The following ROBO1 variants were observed in gnomAD, a reference collection of about 807,000 sequenced individuals.
ROBO1 encodes the protein roundabout homolog 1.
In ROBO1, 149 loss-of-function variants were observed where a neutral mutation model predicts 195.9. The ratio of observed to expected loss-of-function variants is 0.76; its 90% CI spans 0.67 to 0.87. The LOEUF is 0.87. ROBO1 is among the 40% of genes least tolerant of loss of function. The probability of loss-of-function intolerance (pLI) is 0.00; values close to 1 mark genes in which losing one functional copy is unlikely to be tolerated. For missense variants in ROBO1, 1,933 were observed against 2,068.3 expected, an observed-to-expected ratio of 0.93 and a Z score of 1.27; for synonymous variants, 816 against 733.2, an observed-to-expected ratio of 1.11 and a Z score of -1.82.
chr3:78,785,489 C>CT (rs1218405193), intron 4 of ROBO1, among the ~76,000 whole-genome samples: 1 of 152,076 alleles, frequency 6.6e-6, no homozygotes, highest in Non-Finnish European at 1.5e-5. Flanking sequence ...ATGGATTTTT[C>CT]TTTTTTACTG....
chr3:79,222,348 T>G (rs1379159303), intron 2 of ROBO1, among the ~76,000 whole-genome samples: 1 of 152,126 alleles, frequency 6.6e-6, no homozygotes, highest in Non-Finnish European at 1.5e-5. Flanking sequence ...TGAAGTTGCC[T>G]CTTATATTTC....
At chr3:78,839,761 TCA>T (rs2033046482) in intron 4 of ROBO1, among the ~76,000 whole-genome samples, 1 of 152,144 alleles carries the variant, frequency 6.6e-6, no homozygotes, top group Non-Finnish European at 1.5e-5. Flanking sequence ...CTGAACCACT[TCA>T]GTTTCTCTCC....
intron 2 of ROBO1, among the ~76,000 whole-genome samples, chr3:79,504,366 T>C (rs9309823): frequency 0.3 from 46,010 of 151,968 alleles, 7,242 homozygotes; most frequent in Non-Finnish European, 0.35. Flanking sequence ...TTCATATTTT[T>C]GTTAGAAACA....
chr3:79,573,481 A>C (rs61044605), intron 2 of ROBO1, among the ~76,000 whole-genome samples: 14,512 of 152,214 alleles, frequency 0.095, 719 homozygotes, highest in Middle Eastern at 0.16. Context: ...GTCTTCAATT[A>C]TATTTATTAT....
chr3:79,760,332 T>C (rs184693019), intron 1 of ROBO1, among the ~76,000 whole-genome samples: 184 of 141,414 alleles, frequency 1.3e-3, no homozygotes, highest in Middle Eastern at 8.1e-3. Context: ...ACCATAAAGA[T>C]TGGTTTCCCA....
At chr3:79,310,811 C>A (rs1018429465) in intron 2 of ROBO1, among the ~76,000 whole-genome samples, 12 of 152,028 alleles carry the variant, frequency 7.9e-5, no homozygotes, top group African/African-American at 2.9e-4. Flanking sequence ...TTCAATAAGG[C>A]TACATGAAAC....
chr3:79,719,452 A>G lies in ROBO1; in HGVS notation c.-51+48300T>C, dbSNP rs1702612902. Among the ~76,000 whole-genome samples the G allele has an allele frequency of 3.3e-5, 5 of 152,164 alleles. 1 individual carries two copies. The South Asian group carries it at 1.0e-3, about 31-fold the overall frequency. On this transcript the variant is annotated intron_variant, in intron 1 of 30. Coordinates refer to ENST00000464233, the MANE Select transcript of ROBO1 (RefSeq NM_002941.4). ...CAAGACAAAAGGGCATTTTTATTCA[A>G]CCTTTCAGAAGGAAAACTTTTGTGA... is the stretch of plus-strand genomic sequence containing the variant.
At chr3:79,430,131 A>G in intron 2 of ROBO1, among the ~76,000 whole-genome samples, 1 of 152,208 alleles carries the variant, frequency 6.6e-6, no homozygotes, top group South Asian at 2.1e-4. Context: ...CAAAATAAAT[A>G]AAAATTAAAG....
At chr3:79,059,512 C>T (rs1035820013) in intron 3 of ROBO1, among the ~76,000 whole-genome samples, 5 of 151,920 alleles carry the variant, frequency 3.3e-5, no homozygotes, top group South Asian at 4.1e-4. Flanking sequence ...GGAAAGAGAG[C>T]GATGTTGTGG....
chr3:79,587,470 A>G (rs1943864273), intron 2 of ROBO1, among the ~76,000 whole-genome samples: 2 of 151,802 alleles, frequency 1.3e-5, no homozygotes, highest in Non-Finnish European at 2.9e-5. Flanking sequence ...TACAGAATAT[A>G]AAATTCTCCT....
At chr3:79,712,635 G>T (rs2107237601) in intron 1 of ROBO1, among the ~76,000 whole-genome samples, 1 of 152,200 alleles carries the variant, frequency 6.6e-6, no homozygotes, top group East Asian at 1.9e-4. Context: ...ACTGATGCAG[G>T]TGCTACACTC....
At chr3:78,637,026 A>T (rs1705560606) in intron 22 of ROBO1, among the ~76,000 whole-genome samples, 1 of 138,862 alleles carries the variant, frequency 7.2e-6, no homozygotes, top group Admixed American at 7.3e-5. Context: ...CATATTTTTA[A>T]ATTAAAATAG....
At chr3:79,499,674 T>A (rs1246639630) in intron 2 of ROBO1, among the ~76,000 whole-genome samples, 5 of 152,350 alleles carry the variant, frequency 3.3e-5, no homozygotes, top group Middle Eastern at 3.4e-3. Flanking sequence ...AATATTGTGT[T>A]ATGGTAATGT....
At chr3:79,291,987 G>T (rs1576931171) in intron 2 of ROBO1, among the ~76,000 whole-genome samples, 1 of 152,108 alleles carries the variant, frequency 6.6e-6, no homozygotes, top group Non-Finnish European at 1.5e-5. Context: ...AACAATAACA[G>T]AATCTGTTAA....
chr3:79,628,596 G>C (rs1945252170), intron 1 of ROBO1, among the ~76,000 whole-genome samples: 1 of 152,080 alleles, frequency 6.6e-6, no homozygotes, highest in Non-Finnish European at 1.5e-5. Flanking sequence ...ATGTATCCCA[G>C]TTTTTAGAAG....
chr3:79,496,467 T>C (rs1053202260), intron 2 of ROBO1, among the ~76,000 whole-genome samples: 1 of 136,784 alleles, frequency 7.3e-6, no homozygotes, highest in Non-Finnish European at 1.6e-5. Context: ...CACTGCAAGC[T>C]CCGCTTCCCG....
intron 5 of ROBO1, among the ~76,000 whole-genome samples, chr3:78,734,972 G>A (rs973620711): frequency 9.2e-5 from 14 of 152,122 alleles, no homozygotes; most frequent in African/African-American, 3.1e-4. Flanking sequence ...CAAAGGACCT[G>A]GACAAAAATG....
intron 1 of ROBO1, among the ~76,000 whole-genome samples, chr3:79,763,821 G>T (rs1282009287): frequency 1.3e-5 from 2 of 152,130 alleles, no homozygotes; most frequent in Non-Finnish European, 2.9e-5. Flanking sequence ...TGCAGATAAT[G>T]CTTTGGACAT....
At chr3:79,597,613 G>T (rs2107849658) in intron 1 of ROBO1, among the ~76,000 whole-genome samples, 1 of 152,074 alleles carries the variant, frequency 6.6e-6, no homozygotes, top group Admixed American at 6.6e-5. Flanking sequence ...TATACCTTTA[G>T]TTTGTTTAAA....
Sources: gnomAD v4.1 joint callset for allele counts (sites outside exome capture counted in the v4.1 genomes callset) on GRCh38, gnomAD v4.1.1 for gene constraint, MANE v1.5 for transcripts, NCBI Gene and HGNC (gene_info 2026-07-23, HGNC 2026-07-21) for gene names.